The following CELF2 variants were observed in gnomAD, a reference collection of about 807,000 sequenced individuals.
The protein encoded by CELF2 is CUG triplet repeat RNA-binding protein 2.
In CELF2, 8 loss-of-function variants were observed where a neutral mutation model predicts 62.6. That is an observed-to-expected ratio of 0.13 (90% CI 0.07 to 0.23). CELF2 has a LOEUF of 0.23. Ranked by LOEUF, CELF2 falls within the 10% of genes least tolerant of loss-of-function variation. CELF2 has a pLI of 1.00. For synonymous variants in CELF2, 258 were observed against 250.0 expected (o/e 1.03, Z -0.30); for missense variants, 333 against 671.0 (o/e 0.50, Z 5.56).
At chr10:11,264,283 TA>T (rs1253837423) in intron 5 of CELF2, among the ~76,000 whole-genome samples, 1 of 152,250 alleles carries the variant, frequency 6.6e-6, no homozygotes, top group African/African-American at 2.4e-5. Flanking sequence ...TAAGTTACTT[TA>T]AAAAGTTCTG....
At chr10:10,979,857 A>G (rs2051855257) in intron 2 of CELF2, among the ~76,000 whole-genome samples, 1 of 152,170 alleles carries the variant, frequency 6.6e-6, no homozygotes, top group Admixed American at 6.5e-5. Flanking sequence ...TGAAAAAGGA[A>G]AACTATGTAA....
At chr10:11,213,153 C>G (rs1357295376) in intron 2 of CELF2, among the ~76,000 whole-genome samples, 1 of 152,172 alleles carries the variant, frequency 6.6e-6, no homozygotes, top group Non-Finnish European at 1.5e-5. Context: ...GGTGGGTTTC[C>G]CAGAATGAAT....
intron 1 of CELF2, among the ~76,000 whole-genome samples, chr10:11,162,812 A>C (rs1047637353): frequency 2.0e-5 from 3 of 152,222 alleles, no homozygotes; most frequent in Non-Finnish European, 4.4e-5. Flanking sequence ...AATAGCCGAC[A>C]CTGAGAGAGC....
At position 11,242,106 on chromosome 10, in the gene CELF2, T is replaced by C. The variant is rs1380079332; in HGVS notation, c.355-7047T>C. Among the ~76,000 whole-genome samples the C allele has an allele frequency of 6.6e-6, 1 of 152,196 alleles. No homozygotes were observed. Among genetic ancestry groups the C allele is most frequent in the African/African-American group, 2.4e-5 (1 of 41,460 alleles). On this transcript the variant is annotated intron_variant, in intron 3 of 12. Coordinates refer to ENST00000633077, the MANE Select transcript of CELF2 (RefSeq NM_001326342.2). The surrounding 1 kb of genome is among the most constrained non-coding windows in gnomAD (Gnocchi z 4.8). The stretch of plus-strand genomic sequence containing the variant: ...TTCACTTCTTTCCATCCCCTCTCTC[T>C]ACTTTTAAATATTTTATGGGCAGTA...
chr10:10,601,334 C>T, the CELF2 span, among the ~76,000 whole-genome samples: 3 of 152,282 alleles, frequency 2.0e-5, no homozygotes, highest in East Asian at 5.8e-4. Flanking sequence ...ATGGGGACAG[C>T]AGCAAGAAGA....
In CELF2 at chr10:11,316,769, G is replaced by C. The variant is rs535849129; in HGVS notation, c.1096+2511G>C. 3.3e-5 allele frequency: 5 copies of C among 151,914 alleles called. No individual in the cohort carries two copies. The East Asian group carries it at 9.6e-4, about 29-fold the overall frequency. 9.4% of individuals were successfully genotyped at this position (151,914 alleles called of 1,614,324 possible). A position where few individuals can be genotyped will look rare whatever the true frequency, so the allele number is the denominator to read the frequency against. ...ACATTTTACCCTCTTTCCTGCCCAA[G>C]AGCCCAGCACCTCTCCCAAAAAACG... On this transcript the variant is annotated intron_variant, in intron 10 of 12. Transcript: ENST00000633077. This position sits in a 1 kb window ranked among gnomAD's most constrained non-coding sequence, Gnocchi z 4.4.
the CELF2 span, among the ~76,000 whole-genome samples, chr10:10,769,299 A>C: frequency 6.6e-6 from 1 of 152,158 alleles, no homozygotes; most frequent in African/African-American, 2.4e-5. Context: ...TCCATCAATG[A>C]ATGATGGGAA....
chr10:10,487,347 C>G, the CELF2 span, among the ~76,000 whole-genome samples: 3 of 152,082 alleles, frequency 2.0e-5, no homozygotes, highest in African/African-American at 4.8e-5. Flanking sequence ...CAATCAAAAG[C>G]TTCCCTCTCT....
chr10:11,171,777 G>A (rs2068938339), intron 2 of CELF2, among the ~76,000 whole-genome samples: 1 of 152,172 alleles, frequency 6.6e-6, no homozygotes, highest in South Asian at 2.1e-4. Flanking sequence ...TATTCACTAA[G>A]GTAACAAATG....
chr10:10,592,843 G>A, the CELF2 span, among the ~76,000 whole-genome samples: 1 of 152,160 alleles, frequency 6.6e-6, no homozygotes, highest in Non-Finnish European at 1.5e-5. Context: ...GATCCTAGCA[G>A]GGGAGTAGAC....
At position 10,961,796 on chromosome 10, in the gene CELF2, C is replaced by T. The variant is rs79757750; in HGVS notation, c.89+41797C>T. On this transcript the variant is annotated intron_variant, in intron 2 of 13. Coordinates refer to the CELF2 transcript ENST00000636488. Reference sequence around the variant, plus strand: ...AGAAAAGAAAGTTTGAAATCTTTCCCACATTATTTAATTTTGGCTTCTGAA... The same window carrying T: ...AGAAAAGAAAGTTTGAAATCTTTCCTACATTATTTAATTTTGGCTTCTGAA... 2.0e-5 allele frequency among the ~76,000 whole-genome samples: 3 copies of T among 152,136 alleles called. No individual in the cohort carries two copies. In the East Asian group the frequency reaches 5.8e-4, roughly 29 times the overall value.
the CELF2 span, among the ~76,000 whole-genome samples, chr10:10,679,680 C>T: frequency 6.6e-6 from 1 of 152,172 alleles, no homozygotes; most frequent in South Asian, 2.1e-4. Flanking sequence ...ATATATCCAT[C>T]TAGTTTCCAC....
intron 1 of CELF2, among the ~76,000 whole-genome samples, chr10:11,101,119 A>G (rs964122235): frequency 1.3e-5 from 2 of 152,146 alleles, no homozygotes; most frequent in East Asian, 1.9e-4. Flanking sequence ...AGGGTGAGAG[A>G]TGATGGTATA....
intron 2 of CELF2, among the ~76,000 whole-genome samples, chr10:11,206,399 C>T (rs1490259344): frequency 6.6e-6 from 1 of 152,226 alleles, no homozygotes; most frequent in African/African-American, 2.4e-5. Flanking sequence ...ATGAAATAAC[C>T]TTATATTAGA....
chr10:11,295,962 G>T (rs1195600420), intron 9 of CELF2, among the ~76,000 whole-genome samples: 1 of 152,154 alleles, frequency 6.6e-6, no homozygotes, highest in Middle Eastern at 3.2e-3. Flanking sequence ...ACCTGGAGCA[G>T]GCTGGAGTCT....
chr10:10,887,360 G>A (rs963780417), intron 1 of CELF2, among the ~76,000 whole-genome samples: 9 of 152,168 alleles, frequency 5.9e-5, no homozygotes, highest in African/African-American at 1.9e-4. Context: ...TCCAGCCTAC[G>A]AAGAAAAATG....
rs1445430680 is a variant in CELF2 at position 11,243,180 on chromosome 10, A to G, written c.355-5973A>G. Among the ~76,000 whole-genome samples, 1 of 152,106 alleles carries G rather than the reference A, an allele frequency of 6.6e-6. No homozygotes were observed. The highest frequency in any genetic ancestry group is 1.5e-5 in the Non-Finnish European group (1 of 68,014). On this transcript the variant is annotated intron_variant, in intron 3 of 12. Coordinates refer to ENST00000633077, the MANE Select transcript of CELF2 (RefSeq NM_001326342.2). This position sits in a 1 kb window ranked among gnomAD's most constrained non-coding sequence, Gnocchi z 4.1. ...TACACAGCAGCAACAGAGCTTCAGC[A>G]GATGCCTTCTTGGGACCGCGCTTGA...
chr10:11,301,088 G>A lies in CELF2; in HGVS notation c.976+12536G>A, dbSNP rs150709973. On this transcript the variant is annotated intron_variant, in intron 9 of 12. Transcript: ENST00000633077. ...ACAGACTTAACGCTAGACATGCCCT[G>A]CAGATACACTGAGACCAAGACAAGG... Among the ~76,000 whole-genome samples, 11 of 152,250 alleles carry A rather than the reference G, an allele frequency of 7.2e-5. No individual in the cohort carries two copies. The East Asian group carries it at 2.1e-3, about 29-fold the overall frequency.
chr10:10,999,307 A>G (rs2054284350), intron 2 of CELF2, among the ~76,000 whole-genome samples: 1 of 152,252 alleles, frequency 6.6e-6, no homozygotes, highest in Non-Finnish European at 1.5e-5. Flanking sequence ...AAGTGGGGAT[A>G]AAATGGAGAA....
Sources: gnomAD v4.1 joint callset for allele counts (sites outside exome capture counted in the v4.1 genomes callset) on GRCh38, gnomAD v4.1.1 for gene constraint, Gnocchi (gnomAD v3.1) non-coding constraint, MANE v1.5 for transcripts, NCBI Gene and HGNC (gene_info 2026-07-23, HGNC 2026-07-21) for gene names.